Variants in IK observed in about 807,000 individuals in gnomAD.
IK encodes protein Red.
A neutral mutation model predicts 90.9 loss-of-function variants in IK; 47 were observed. The observed-to-expected ratio is 0.52, with a 90% confidence interval of 0.41 to 0.66. IK has a LOEUF of 0.66. Ranked by LOEUF, IK falls within the 30% of genes least tolerant of loss-of-function variation. IK has a pLI of 0.00. For synonymous variants in IK, 201 were observed against 227.5 expected (o/e 0.88, Z 1.05); for missense variants, 385 against 709.3 (o/e 0.54, Z 5.19).
chr5:140,657,501 A>G, intron 9 of IK, 53 bp from the exon 10 acceptor site: 1 of 1,228,434 alleles, frequency 8.1e-7, no homozygotes, highest in Non-Finnish European at 1.2e-6. Context: ...GAATGAATAA[A>G]TGAAGAGATT....
intron 15 of IK, 138 bp downstream of exon 15, chr5:140,660,333 T>C (rs1757784074): frequency 9.0e-6 from 5 of 555,008 alleles, no homozygotes; most frequent in Non-Finnish European, 9.4e-6. Flanking sequence ...AGTCTCACTC[T>C]GTCACCCAGG....
intron 10 of IK, among the ~76,000 whole-genome samples, chr5:140,658,210 T>C (rs1220962877): frequency 6.6e-6 from 1 of 152,200 alleles, no homozygotes; most frequent in African/African-American, 2.4e-5. Context: ...TTCACTGTAT[T>C]GGCCTGGCTG....
At chr5:140,649,331 C>T (rs1757571287) in intron 2 of IK, among the ~76,000 whole-genome samples, 1 of 151,584 alleles carries the variant, frequency 6.6e-6, no homozygotes, top group Non-Finnish European at 1.5e-5. Flanking sequence ...GCCTCAGCCT[C>T]CCAAGTAGCT....
In IK at chr5:140,659,751, C is replaced by A; in HGVS notation, c.1196-5C>A. 1.3e-6 allele frequency: 2 copies of A among 1,582,908 alleles called. No individual in the cohort carries two copies. Among genetic ancestry groups the A allele is most frequent in the South Asian group, 1.2e-5 (1 of 86,730 alleles). On this transcript the variant is annotated splice_region_variant and splice_polypyrimidine_tract_variant and intron_variant, in intron 13 of 19. Transcript: ENST00000417647. ...AGGTCTGGGCTGAGTTCTCTTTTCT[C>A]CTAGGACCTGGGTCTACCAAGGAGT...
chr5:140,652,907 C>A, intron 4 of IK, 70 bp from the exon 5 acceptor site: 1 of 1,452,100 alleles, frequency 6.9e-7, no homozygotes, highest in Non-Finnish European at 9.5e-7. Flanking sequence ...GGGAAGCAAG[C>A]AGGAACAGTT....
chr5:140,661,484 A>G lies in IK; in HGVS notation c.1414-136A>G. 1 of 634,820 alleles carries G rather than the reference A, an allele frequency of 1.6e-6. No homozygotes were observed. Among genetic ancestry groups the G allele is most frequent in the Non-Finnish European group, 2.8e-6 (1 of 351,374 alleles). 39.3% of individuals were successfully genotyped at this position (634,820 alleles called of 1,614,324 possible). Reference sequence around the variant, plus strand: ...CATAGTAAGTATGTAATAAGCATTTATTATTACTTATCAGGGTATGATTTA... The same window carrying G: ...CATAGTAAGTATGTAATAAGCATTTGTTATTACTTATCAGGGTATGATTTA... On this transcript the variant is annotated intron_variant, in intron 16 of 19. Transcript: ENST00000417647. The surrounding 1 kb of genome is among the most constrained non-coding windows in gnomAD (Gnocchi z 4.2).
intron 1 of IK, 162 bp from the exon 2 acceptor site, chr5:140,648,309 C>A (rs1056758144): frequency 1.5e-5 from 11 of 744,716 alleles, no homozygotes; most frequent in Non-Finnish European, 2.7e-5. Flanking sequence ...CTTTGTGCTC[C>A]CACAGCTTCT....
intron 5 of IK, 31 bp from the exon 6 acceptor site, chr5:140,653,907 C>A: frequency 7.2e-7 from 1 of 1,382,048 alleles, no homozygotes; most frequent in Non-Finnish European, 1.0e-6. Context: ...CTGGACAGTA[C>A]TGTTCTTATG....
chr5:140,654,133 T>G, intron 6 of IK, 81 bp downstream of exon 6: 8 of 770,628 alleles, frequency 1.0e-5, no homozygotes, highest in Non-Finnish European at 1.8e-5. Flanking sequence ...AGGAGGGAGA[T>G]TCCTGAGAGT....
chr5:140,661,371 GA>G lies in IK; in HGVS notation c.1414-245del. ...GTTTATGCCTCAGTTTCCTCATCAGGAAAATGGAGAGAAATATAGTTCCCTC... is the reference window on the plus strand; with the variant it reads ...GTTTATGCCTCAGTTTCCTCATCAGGAAATGGAGAGAAATATAGTTCCCTC... On this transcript the variant is annotated intron_variant, in intron 16 of 19. Transcript: ENST00000417647. This position sits in a 1 kb window ranked among gnomAD's most constrained non-coding sequence, Gnocchi z 4.2. The G allele has an allele frequency of 4.5e-6, 2 of 443,586 alleles. No homozygotes were observed. The highest frequency in any genetic ancestry group is 4.0e-6 in the Non-Finnish European group (1 of 247,760). The allele number at this position is 443,586 out of a possible 1,614,324, so 27.5% of individuals were successfully genotyped here. A position where few individuals can be genotyped will look rare whatever the true frequency, so the allele number is the denominator to read the frequency against.
chr5:140,660,291 T>A (rs558470897), intron 15 of IK, 96 bp downstream of exon 15: 19 of 509,308 alleles, frequency 3.7e-5, no homozygotes, highest in East Asian at 3.1e-4. Flanking sequence ...CAGGGCTACT[T>A]CTTTTTTTTT....
At position 140,648,455 on chromosome 5, in the gene IK, C is replaced by G; in HGVS notation, c.17-16C>G. On this transcript the variant is annotated splice_polypyrimidine_tract_variant and intron_variant, in intron 1 of 19. Coordinates refer to ENST00000417647, the MANE Select transcript of IK (RefSeq NM_006083.4). ...CGTAAGAGACTGATTAAATTAACGT[C>G]AATTTTTTTTGTCAGGTGAGCCGTT... The G allele has an allele frequency of 6.2e-7, 1 of 1,613,514 alleles. No individual in the cohort carries two copies. Among genetic ancestry groups the G allele is most frequent in the South Asian group, 1.1e-5 (1 of 91,072 alleles).
chr5:140,659,053 C>G lies in IK; in HGVS notation c.1065C>G (p.Asp355Glu), dbSNP rs1561979301. The G allele has an allele frequency of 6.2e-7, 1 of 1,611,184 alleles. No individual in the cohort carries two copies. Among genetic ancestry groups the G allele is most frequent in the Non-Finnish European group, 8.5e-7 (1 of 1,177,604 alleles). Residue 355 changes from aspartate (D) to glutamate (E), a missense_variant, in exon 12 of 20, where the codon GAC becomes GAG. Physicochemically the swap from Asp to Glu is conservative, Grantham distance 45. Coordinates refer to ENST00000417647, the MANE Select transcript of IK (RefSeq NM_006083.4). ...ATCGGGAAAGAGACAGAGACCGTGA[C>G]CGAGAGCGAGAGCGAGAACGAGATC... ...ERDRERDRDR[D>E]RERERERDRE...
chr5:140,651,833 C>T, intron 3 of IK, 27 bp downstream of exon 3: 1 of 1,393,178 alleles, frequency 7.2e-7, no homozygotes. Context: ...TCCAACCTGT[C>T]TCCCAACTTG....
rs761599314 is a variant in IK, at chr5:140,654,730, G to A, written c.637+3G>A. ...AATTGAATTTAAAACACGTCTGGGT[G>A]AGTACAGTTTCTATACTAGTGACTA... On this transcript the variant is annotated splice_donor_region_variant and intron_variant, in intron 8 of 19. Coordinates refer to ENST00000417647, the MANE Select transcript of IK (RefSeq NM_006083.4). The A allele has an allele frequency of 2.5e-6, 4 of 1,583,500 alleles. No individual in the cohort carries two copies. The highest frequency in any genetic ancestry group is 3.5e-6 in the Non-Finnish European group (4 of 1,155,036).
chr5:140,660,440 G>T, intron 15 of IK: 1 of 544,412 alleles, frequency 1.8e-6, no homozygotes, highest in East Asian at 3.1e-5. Flanking sequence ...TGGGATTATA[G>T]GCATGCATCA....
In IK at chr5:140,648,007, G is replaced by GGTGT. The variant is rs762057029; in HGVS notation, c.16+118_16+121dup. 61,194 of 923,438 alleles carry GGTGT rather than the reference G, an allele frequency of 0.066. 846 individuals carry two copies. Among genetic ancestry groups the GGTGT allele is most frequent in the African/African-American group, 0.11 (6,067 of 56,902 alleles). The allele number at this position is 923,438 out of a possible 1,614,324, so 57.2% of individuals were successfully genotyped here. A position where few individuals can be genotyped will look rare whatever the true frequency, so the allele number is the denominator to read the frequency against. ...TATTGTAGCTTCTGAGCTTAAGCCGGGTGTGTGTGTGTGTGTGTGTGTGTG... is the reference window on the plus strand; with the variant it reads ...TATTGTAGCTTCTGAGCTTAAGCCGGGTGTGTGTGTGTGTGTGTGTGTGTGTGTG... On this transcript the variant is annotated intron_variant, in intron 1 of 19. Coordinates refer to ENST00000417647, the MANE Select transcript of IK (RefSeq NM_006083.4).
At position 140,660,096 on chromosome 5, in the gene IK, T is replaced by G; in HGVS notation, c.1275-19T>G. ...CAATAGGTAGAATCCTGTGTAGTGT[T>G]TTCTTTAACATAGCATATGCTGAAG... On this transcript the variant is annotated intron_variant, in intron 14 of 19. Transcript: ENST00000417647. 6.2e-7 allele frequency: 1 copy of G among 1,607,760 alleles called. No individual in the cohort carries two copies.
chr5:140,647,970 C>T (rs1334649707), intron 1 of IK, 46 bp downstream of exon 1: 2 of 1,587,184 alleles, frequency 1.3e-6, no homozygotes, highest in Non-Finnish European at 1.7e-6. Flanking sequence ...GCACTTGGGG[C>T]ACTTGGCGCA....
Sources: allele counts gnomAD v4.1 joint callset (sites outside exome capture counted in the v4.1 genomes callset), GRCh38; gene constraint gnomAD v4.1.1; non-coding constraint Gnocchi (gnomAD v3.1); transcripts MANE v1.5; gene names NCBI Gene and HGNC (gene_info 2026-07-23, HGNC 2026-07-21).